Variants in ODAD2 observed in about 807,000 individuals in gnomAD.
ODAD2 encodes the protein outer dynein arm-docking complex subunit 2.
Under a neutral mutation model 106.8 loss-of-function variants are expected in ODAD2, and 89 were observed. That is an observed-to-expected ratio of 0.83 (90% CI 0.70 to 0.99). ODAD2 has a LOEUF of 0.99. Ranked by LOEUF, ODAD2 falls within the 50% of genes least tolerant of loss-of-function variation. The pLI, the probability that ODAD2 is intolerant of heterozygous loss-of-function variation, is 0.00. For synonymous variants in ODAD2, 404 were observed against 436.2 expected (o/e 0.93, Z 0.92); for missense variants, 1,168 against 1,238.5 (o/e 0.94, Z 0.85).
Position 27,928,346 on chromosome 10 carries a change from A to T in ODAD2, c.2495+6664T>A, listed in dbSNP as rs545654740. The stretch of plus-strand genomic sequence containing the variant: ...CTCTTCCATCATAGGTCTTTATTTA[A>T]CCTATCGATTTCTCTATTTTTATTA... On this transcript the variant is annotated intron_variant, in intron 16 of 19. Transcript: ENST00000305242. Among the ~76,000 whole-genome samples the T allele has an allele frequency of 3.0e-4, 45 of 151,988 alleles. 1 individual carries two copies. In the South Asian group the frequency reaches 9.4e-3, roughly 32 times the overall value.
At chr10:27,865,405 C>G (rs1840368026) in intron 17 of ODAD2, among the ~76,000 whole-genome samples, 1 of 152,206 alleles carries the variant, frequency 6.6e-6, no homozygotes, top group Non-Finnish European at 1.5e-5. Context: ...TCTGCACAAA[C>G]CTTTTCTGTC....
chr10:27,970,395 T>G (rs1469231352), intron 8 of ODAD2, among the ~76,000 whole-genome samples: 1 of 152,190 alleles, frequency 6.6e-6, no homozygotes, highest in East Asian at 1.9e-4. Flanking sequence ...ATTTTCATCA[T>G]TCCACATTCT....
chr10:27,882,880 T>C (rs1200990210), intron 17 of ODAD2, among the ~76,000 whole-genome samples: 3 of 151,882 alleles, frequency 2.0e-5, no homozygotes, highest in Non-Finnish European at 4.4e-5. Context: ...GTAAGTAAAG[T>C]CTTATCCCTA....
rs113674006 is a variant in ODAD2, at chr10:27,969,318, G to C, written c.1143-300C>G. On this transcript the variant is annotated intron_variant, in intron 8 of 19. Transcript: ENST00000305242. ...CCTTCTACTCTAGGTATGTATCGCC[G>C]CCAATTATAGTTTTCTATTTTCTTA... 8.7e-3 allele frequency among the ~76,000 whole-genome samples: 1,260 copies of C among 144,184 alleles called. 8 individuals carry two copies. Among genetic ancestry groups the C allele is most frequent in the Non-Finnish European group, 0.011 (731 of 66,208 alleles). 94.6% of individuals were successfully genotyped at this position (144,184 alleles called of 152,430 possible).
intron 19 of ODAD2, among the ~76,000 whole-genome samples, chr10:27,836,734 C>A (rs1294205885): frequency 6.6e-6 from 1 of 152,082 alleles, no homozygotes; most frequent in Non-Finnish European, 1.5e-5. Context: ...GAAAAATACA[C>A]TTAAGCCATA....
At position 27,901,541 on chromosome 10, in the gene ODAD2, C is replaced by T. The variant is rs532520311; in HGVS notation, c.2610+6122G>A. 3.9e-5 allele frequency among the ~76,000 whole-genome samples: 6 copies of T among 152,212 alleles called. No individual in the cohort carries two copies. The East Asian group carries it at 1.2e-3, about 29-fold the overall frequency. On this transcript the variant is annotated intron_variant, in intron 17 of 19. Coordinates refer to ENST00000305242, the MANE Select transcript of ODAD2 (RefSeq NM_018076.5). ...GGCAAATTGGATAAAGATCAAGACC[C>T]ACCGGTGTGCTGTATTCAGGAGACC... is the stretch of plus-strand genomic sequence containing the variant.
intron 19 of ODAD2, among the ~76,000 whole-genome samples, chr10:27,820,054 G>T (rs1836478528): frequency 6.6e-6 from 1 of 152,130 alleles, no homozygotes; most frequent in African/African-American, 2.4e-5. Context: ...TCAGAAGTCT[G>T]GTTCTGGTGT....
At chr10:27,859,828 C>A (rs549610023) in intron 19 of ODAD2, among the ~76,000 whole-genome samples, 1 of 152,202 alleles carries the variant, frequency 6.6e-6, no homozygotes, top group African/African-American at 2.4e-5. Context: ...TCTACTGATG[C>A]ACAGATTTAA....
At chr10:27,962,216 T>A (rs1281471580) in intron 9 of ODAD2, among the ~76,000 whole-genome samples, 2 of 152,258 alleles carry the variant, frequency 1.3e-5, no homozygotes, top group Non-Finnish European at 2.9e-5. Flanking sequence ...AAGCCTGCGC[T>A]TTTCAATAAG....
intron 16 of ODAD2, among the ~76,000 whole-genome samples, chr10:27,922,079 A>T (rs562382014): frequency 2.6e-4 from 39 of 150,108 alleles, no homozygotes; most frequent in African/African-American, 9.3e-4. Flanking sequence ...AGGTGGAAGG[A>T]TATCTTGAGC....
At position 27,940,596 on chromosome 10, in the gene ODAD2, T is replaced by C. The variant is rs1233919149; in HGVS notation, c.1953A>G (p.Pro651=). 6.2e-7 allele frequency: 1 copy of C among 1,614,040 alleles called. No individual in the cohort carries two copies. Among genetic ancestry groups the C allele is most frequent in the East Asian group, 2.2e-5 (1 of 44,862 alleles). ...LKTSHENMLI[P]VVGTLQECAS... The stretch of plus-strand genomic sequence containing the variant: ...CACACTCTTGCAATGTCCCCACCAC[T>C]GGAATTAGCATGTTTTCATGAGAAG... Residue 651 remains proline, a synonymous_variant, in exon 13 of 20, where the codon CCA becomes CCG. Transcript: ENST00000305242.
intron 9 of ODAD2, among the ~76,000 whole-genome samples, chr10:27,963,318 C>T (rs1848268900): frequency 1.3e-5 from 2 of 152,008 alleles, no homozygotes; most frequent in East Asian, 3.9e-4. Flanking sequence ...GTCCCAGGCA[C>T]TTTATATTCA....
At chr10:27,830,580 C>T (rs1207298310) in intron 19 of ODAD2, among the ~76,000 whole-genome samples, 1 of 152,200 alleles carries the variant, frequency 6.6e-6, no homozygotes, top group Non-Finnish European at 1.5e-5. Context: ...ACGTGCATTT[C>T]AGGCAGCCTA....
intron 12 of ODAD2, among the ~76,000 whole-genome samples, chr10:27,941,373 T>C (rs1207063882): frequency 6.6e-6 from 1 of 150,768 alleles, no homozygotes; most frequent in East Asian, 2.0e-4. Flanking sequence ...TAGTCCCAGC[T>C]ACTCAGGAGG....
At chr10:27,985,653 T>C (rs1207166334) in intron 3 of ODAD2, among the ~76,000 whole-genome samples, 2 of 152,148 alleles carry the variant, frequency 1.3e-5, no homozygotes, top group African/African-American at 4.8e-5. Context: ...AAAGGCTTTC[T>C]TTCCAAAATA....
At chr10:27,897,451 A>T (rs1842932185) in intron 17 of ODAD2, among the ~76,000 whole-genome samples, 1 of 152,170 alleles carries the variant, frequency 6.6e-6, no homozygotes, top group Non-Finnish European at 1.5e-5. Context: ...TAAAGAAAAA[A>T]AATCCAAAAT....
At chr10:27,871,963 C>T (rs554375262) in intron 17 of ODAD2, among the ~76,000 whole-genome samples, 50 of 152,248 alleles carry the variant, frequency 3.3e-4, no homozygotes, top group African/African-American at 9.9e-4. Context: ...GCCATTTTCA[C>T]GATATTGATT....
At chr10:27,821,747 G>T (rs967792166) in intron 19 of ODAD2, among the ~76,000 whole-genome samples, 1 of 152,126 alleles carries the variant, frequency 6.6e-6, no homozygotes, top group African/African-American at 2.4e-5. Flanking sequence ...TATGAAATTG[G>T]TATACACTTT....
rs138588942 is a variant in ODAD2, at chr10:27,812,561, G to A, written c.3086C>T (p.Ser1029Phe). Residue 1029 changes from serine to phenylalanine, a missense_variant, in exon 20 of 20, where the codon TCC becomes TTC. By Grantham distance (155) the Ser-to-Phe change is radical. Coordinates refer to ENST00000305242, the MANE Select transcript of ODAD2 (RefSeq NM_018076.5). ...AGCAAGAGCCAGCCTGCGGATATTGGATATACAACCAGCTGCAGCTTCCTG... is the reference window on the plus strand; with the variant it reads ...AGCAAGAGCCAGCCTGCGGATATTGAATATACAACCAGCTGCAGCTTCCTG... Reference protein sequence around the residue: ...DLQEAAAGCISNIRRLALATE... With the variant: ...DLQEAAAGCIFNIRRLALATE... The A allele has an allele frequency of 2.2e-4, 356 of 1,613,140 alleles. 2 individuals are homozygous for A. In the African/African-American group the frequency reaches 4.1e-3, roughly 19 times the overall value.
Sources: gnomAD v4.1 joint callset for allele counts (sites outside exome capture counted in the v4.1 genomes callset) on GRCh38, gnomAD v4.1.1 for gene constraint, MANE v1.5 for transcripts, NCBI Gene and HGNC (gene_info 2026-07-23, HGNC 2026-07-21) for gene names.